SFPQ: variants seen among roughly 807,000 people sequenced by gnomAD.
The protein encoded by SFPQ is splicing factor proline and glutamine rich.
Under a neutral mutation model 72.9 loss-of-function variants are expected in SFPQ, and 11 were observed. The ratio of observed to expected loss-of-function variants is 0.15; its 90% CI spans 0.09 to 0.25. The LOEUF (loss-of-function observed/expected upper bound fraction) is 0.25, where lower values mean the gene tolerates loss of function less well. SFPQ is among the 10% of genes least tolerant of loss of function. The pLI, the probability that SFPQ is intolerant of heterozygous loss-of-function variation, is 1.00. For missense variants in SFPQ, 847 were observed against 993.3 expected, an observed-to-expected ratio of 0.85 and a Z score of 1.98; for synonymous variants, 506 against 367.3, an observed-to-expected ratio of 1.38 and a Z score of -4.32.
downstream of SFPQ, chr1:35,180,905 C>T (rs1422768572): frequency 1.0e-6 from 1 of 985,274 alleles, no homozygotes; most frequent in Non-Finnish European, 1.2e-6. Flanking sequence ...GTCAGATATA[C>T]CAAAGAATCA....
At chr1:35,187,147 A>T in intron 8 of SFPQ, 25 bp from the exon 9 acceptor site, 1 of 1,614,078 alleles carries the variant, frequency 6.2e-7, no homozygotes, top group Non-Finnish European at 8.5e-7. Flanking sequence ...TAGTGGTTAC[A>T]ACTCCACCAG....
At chr1:35,182,320 C>T, downstream of SFPQ, 1 of 985,282 alleles carries the variant, frequency 1.0e-6, no homozygotes, top group Non-Finnish European at 1.2e-6. Flanking sequence ...CAGAAAATCT[C>T]TTATGTATCA....
At chr1:35,178,377 G>A (rs144591163), downstream of SFPQ, 929 of 1,064,360 alleles carry the variant, frequency 8.7e-4, 8 homozygotes, top group African/African-American at 0.014. Flanking sequence ...CTCACCAAAT[G>A]AGTTTTAACA....
chr1:35,192,984 G>T lies in SFPQ; in HGVS notation c.66C>A (p.Gly22=). ...AGTCGTGGAGGCCGCCGCGGCCGCC[G>T]CCTCCTCCACGCCTGTGGAAGCCAC... is the stretch of plus-strand genomic sequence containing the variant. ...GGGGFHRRGG[G]GGRGGLHDFR... The change falls in exon 1 of 10, where the codon GGC becomes GGA. Residue 22 remains glycine (G), a synonymous_variant. Transcript: ENST00000357214. The T allele has an allele frequency of 6.4e-7, 1 of 1,564,034 alleles. No homozygotes were observed. The highest frequency in any genetic ancestry group is 8.6e-7 in the Non-Finnish European group (1 of 1,163,380).
At position 35,192,044 on chromosome 1, in the gene SFPQ, C is replaced by G. The variant is rs549453752; in HGVS notation, c.828+178G>C. Among the ~76,000 whole-genome samples the G allele has an allele frequency of 2.0e-5, 3 of 151,752 alleles. No homozygotes were observed. In the South Asian group the frequency reaches 6.2e-4, roughly 32 times the overall value. On this transcript the variant is annotated intron_variant, in intron 1 of 9. Coordinates refer to ENST00000357214, the MANE Select transcript of SFPQ (RefSeq NM_005066.3). ...TTCCGCCCGCCGGGAGAGCAAGGCC[C>G]GGCGGCGGCCAATCCCCCGCCGACC...
chr1:35,188,202 A>G (rs1639818576), intron 6 of SFPQ, 112 bp from the exon 7 acceptor site: 3 of 784,648 alleles, frequency 3.8e-6, no homozygotes, highest in Non-Finnish European at 6.6e-6. Flanking sequence ...AAAAACACAA[A>G]GGCTTAGAGT....
rs114238067 is a variant in SFPQ, at chr1:35,188,227, A to G, written c.1698-137T>C. 1.1e-3 allele frequency: 721 copies of G among 671,572 alleles called. 8 individuals are homozygous for G. The African/African-American group carries it at 0.011, about 10-fold the overall frequency. The allele number at this position is 671,572 out of a possible 1,614,324, so 41.6% of individuals were successfully genotyped here. A position where few individuals can be genotyped will look rare whatever the true frequency, so the allele number is the denominator to read the frequency against. ...AGGCTTAGAGTGAGCCTAGGGGCAT[A>G]GTACTAAAGACATTCTGGCAAATAA... On this transcript the variant is annotated intron_variant, in intron 6 of 9. Transcript: ENST00000357214.
intron 5 of SFPQ, among the ~76,000 whole-genome samples, chr1:35,176,761 C>A (rs1639256846): frequency 6.6e-6 from 1 of 151,886 alleles, no homozygotes; most frequent in Admixed American, 6.6e-5. Context: ...GCAGTCCCAG[C>A]TACTCGGGAG....
chr1:35,180,807 G>GTA (rs1639436750), downstream of SFPQ: 1 of 985,242 alleles, frequency 1.0e-6, no homozygotes, highest in South Asian at 4.7e-5. Context: ...TAGTTCCCAA[G>GTA]TATAGTTTAG....
chr1:35,180,640 A>C, downstream of SFPQ: 2 of 1,051,604 alleles, frequency 1.9e-6, no homozygotes, highest in South Asian at 4.6e-5. Context: ...ATCGCATTAC[A>C]AAAAAACCTG....
downstream of SFPQ, chr1:35,181,705 T>G: frequency 1.9e-6 from 2 of 1,061,262 alleles, no homozygotes; most frequent in Non-Finnish European, 2.3e-6. Context: ...GTGGTTTCTT[T>G]AAATGAAAAA....
chr1:35,191,233 AG>A (rs2148625540), intron 2 of SFPQ, 107 bp downstream of exon 2: 1 of 967,916 alleles, frequency 1.0e-6, no homozygotes, highest in African/African-American at 1.7e-5. Context: ...AAAATCTAAA[AG>A]ATCAATTTAT....
chr1:35,192,792 C>T lies in SFPQ; in HGVS notation c.258G>A (p.Gln86=), dbSNP rs747061231. 1.9e-4 allele frequency: 290 copies of T among 1,500,112 alleles called. No individual in the cohort carries two copies. The highest frequency in any genetic ancestry group is 2.5e-4 in the Non-Finnish European group (280 of 1,129,898). The allele number at this position is 1,500,112 out of a possible 1,614,324, so 92.9% of individuals were successfully genotyped here. A position where few individuals can be genotyped will look rare whatever the true frequency, so the allele number is the denominator to read the frequency against. ...QPPPQQPPPH[Q]PPPHPQPHQQ... The stretch of plus-strand genomic sequence containing the variant: ...GATGCGGCTGTGGATGCGGCGGCGG[C>T]TGATGCGGTGGCGGCTGCTGCGGCG... The change falls in exon 1 of 10, where the codon CAG becomes CAA. Residue 86 remains glutamine, a synonymous_variant. Coordinates refer to ENST00000357214, the MANE Select transcript of SFPQ (RefSeq NM_005066.3).
chr1:35,177,919 A>T, intron 4 of SFPQ: 1 of 658,422 alleles, frequency 1.5e-6, no homozygotes, highest in Non-Finnish European at 2.1e-6. Context: ...TTCACTCCAC[A>T]TATCTAAATG....
chr1:35,179,935 T>C, downstream of SFPQ: 2 of 1,055,144 alleles, frequency 1.9e-6, no homozygotes, highest in African/African-American at 1.7e-5. Context: ...TCACTAATAT[T>C]GAGCATTATA....
Position 35,190,857 on chromosome 1 carries a change from G to T in SFPQ, c.1156C>A (p.Leu386Met). ...RNLSPYVSNE[L>M]LEEAFSQFGP... is the part of the protein sequence containing the mutation. ...AATTGGCTAAAGGCTTCTTCCAACAGTTCATTGGAAACATAAGGTGAAAGA... is the reference window on the plus strand; with the variant it reads ...AATTGGCTAAAGGCTTCTTCCAACATTTCATTGGAAACATAAGGTGAAAGA... Residue 386 changes from leucine (L) to methionine (M), a missense_variant, in exon 3 of 10, where the codon CTG (leucine) becomes ATG (methionine). Physicochemically the swap from Leu to Met is conservative, Grantham distance 15 (BLOSUM62 2). Around this residue, in one of 6 missense-constraint regions of SFPQ, gnomAD observed 132 missense variants for 255.4 expected, o/e 0.52. Transcript: ENST00000357214. The T allele has an allele frequency of 6.2e-7, 1 of 1,614,140 alleles. No individual in the cohort carries two copies. The highest frequency in any genetic ancestry group is 8.5e-7 in the Non-Finnish European group (1 of 1,180,044).
chr1:35,190,357 T>C (rs971760670), intron 4 of SFPQ, 141 bp downstream of exon 4: 2 of 639,776 alleles, frequency 3.1e-6, no homozygotes, highest in South Asian at 2.0e-5. Context: ...TTCAAATCTT[T>C]CTCAGCCTGA....
chr1:35,182,306 C>T (rs1173973896), downstream of SFPQ: 9 of 985,030 alleles, frequency 9.1e-6, no homozygotes, highest in South Asian at 4.7e-5. Context: ...CCCTTGTTTC[C>T]GTACAGAAAA....
Position 35,184,543 on chromosome 1 carries a change from A to G in SFPQ, c.2037T>C (p.Gly679=). 2 of 1,612,310 alleles carry G rather than the reference A, an allele frequency of 1.2e-6. No homozygotes were observed. Among genetic ancestry groups the G allele is most frequent in the Non-Finnish European group, 1.7e-6 (2 of 1,179,324 alleles). The change falls in exon 10 of 10, where the codon GGT becomes GGC. Residue 679 remains glycine, a synonymous_variant. Coordinates refer to ENST00000357214, the MANE Select transcript of SFPQ (RefSeq NM_005066.3). Reference sequence around the variant, plus strand: ...GAGTTCCAGGCCCCATTCCTCTAGGACCCTGTCCACCCACAGGCCCCGCAC... The same window carrying G: ...GAGTTCCAGGCCCCATTCCTCTAGGGCCCTGTCCACCCACAGGCCCCGCAC... ...QGGAGPVGGQ[G]PRGMGPGTPA...
Sources: gnomAD v4.1 joint callset for allele counts (sites outside exome capture counted in the v4.1 genomes callset) on GRCh38, gnomAD v4.1.1 for gene constraint, gnomAD v4.1.1 regional missense constraint, MANE v1.5 for transcripts, NCBI Gene and HGNC (gene_info 2026-07-23, HGNC 2026-07-21) for gene names.